The following STXBP5L variants were observed in gnomAD, a reference collection of about 807,000 sequenced individuals.
The protein encoded by STXBP5L is syntaxin binding protein 5L.
A neutral mutation model predicts 144.5 loss-of-function variants in STXBP5L; 65 were observed. That is an observed-to-expected ratio of 0.45 (90% CI 0.37 to 0.55). The LOEUF is 0.55. Among genes scored for constraint, STXBP5L ranks in the 20% least tolerant of loss-of-function variants. The pLI is 0.00. For missense variants in STXBP5L, 1,298 were observed against 1,405.5 expected (o/e 0.92, Z 1.22); for synonymous variants, 505 against 469.6 (o/e 1.08, Z -0.97).
At chr3:121,282,287 T>C in intron 19 of STXBP5L, 1 of 1,612,172 alleles carries the variant, frequency 6.2e-7, no homozygotes, top group Non-Finnish European at 8.5e-7. Context: ...ATGCGTGGCC[T>C]GTCTAACTTT....
chr3:121,064,918 A>T (rs2041470899), intron 5 of STXBP5L, among the ~76,000 whole-genome samples: 1 of 152,140 alleles, frequency 6.6e-6, no homozygotes, highest in African/African-American at 2.4e-5. Flanking sequence ...CTAGAAGTTC[A>T]TAGTGTCCAT....
chr3:121,293,629 G>A (rs1469774141), intron 19 of STXBP5L, among the ~76,000 whole-genome samples: 4 of 152,196 alleles, frequency 2.6e-5, no homozygotes, highest in African/African-American at 9.7e-5. Flanking sequence ...GGAGGCCAAG[G>A]TGGGTGGATC....
chr3:120,910,233 C>A lies in STXBP5L; in HGVS notation c.189+466C>A, dbSNP rs375205716. Among the ~76,000 whole-genome samples, 9 of 152,160 alleles carry A rather than the reference C, an allele frequency of 5.9e-5. No individual in the cohort carries two copies. The South Asian group carries it at 8.3e-4, about 14-fold the overall frequency. On this transcript the variant is annotated intron_variant, in intron 2 of 26. Coordinates refer to ENST00000471454, the MANE Select transcript of STXBP5L (RefSeq NM_001308330.2). The stretch of plus-strand genomic sequence containing the variant: ...TGCTTTAAAATTCCGAATAAAAACA[C>A]CTTCACATTCTTAAACTCTTCATAA...
chr3:121,083,941 A>G (rs187589603), intron 5 of STXBP5L, among the ~76,000 whole-genome samples: 3 of 152,124 alleles, frequency 2.0e-5, no homozygotes, highest in African/African-American at 7.2e-5. Context: ...TCATTGTTTC[A>G]TTCCTGATGT....
Position 121,051,960 on chromosome 3 carries a change from G to A in STXBP5L, c.470+6425G>A, listed in dbSNP as rs541363451. ...AGAGAATATTACAAACACCTCTATG[G>A]AAATAAACTAGAAAATCTAGAAGAA... On this transcript the variant is annotated intron_variant, in intron 5 of 26. Coordinates refer to ENST00000471454, the MANE Select transcript of STXBP5L (RefSeq NM_001308330.2). 2.6e-5 allele frequency among the ~76,000 whole-genome samples: 4 copies of A among 152,092 alleles called. No homozygotes were observed. In the South Asian group the frequency reaches 8.3e-4, roughly 32 times the overall value.
intron 10 of STXBP5L, among the ~76,000 whole-genome samples, chr3:121,215,600 G>T (rs1227110588): frequency 6.6e-6 from 1 of 152,090 alleles, no homozygotes; most frequent in Admixed American, 6.6e-5. Flanking sequence ...TCCCTTTGTA[G>T]GTAACCCGAC....
chr3:121,393,541 C>T (rs974894314), intron 22 of STXBP5L, among the ~76,000 whole-genome samples: 1 of 152,128 alleles, frequency 6.6e-6, no homozygotes, highest in Non-Finnish European at 1.5e-5. Flanking sequence ...GCTAGGTTTC[C>T]TTCTAGCATT....
intron 5 of STXBP5L, among the ~76,000 whole-genome samples, chr3:121,064,681 T>A (rs2041456681): frequency 6.6e-6 from 1 of 152,222 alleles, no homozygotes; most frequent in African/African-American, 2.4e-5. Flanking sequence ...GATTTTTTTG[T>A]AGAGATGTTC....
chr3:120,990,659 C>G (rs1333156924), intron 3 of STXBP5L, among the ~76,000 whole-genome samples: 2 of 151,986 alleles, frequency 1.3e-5, no homozygotes, highest in African/African-American at 4.8e-5. Flanking sequence ...AGAACAGAGC[C>G]CTCAGAAATA....
chr3:121,338,271 G>C (rs1443814310), intron 20 of STXBP5L, among the ~76,000 whole-genome samples: 2 of 151,888 alleles, frequency 1.3e-5, no homozygotes, highest in Non-Finnish European at 2.9e-5. Flanking sequence ...ACAAAAAGTT[G>C]GTTCTTTGAA....
chr3:120,921,515 T>G (rs2107585382), intron 2 of STXBP5L, among the ~76,000 whole-genome samples: 1 of 152,048 alleles, frequency 6.6e-6, no homozygotes, highest in East Asian at 1.9e-4. Context: ...TTTCGTTGTG[T>G]GTACTTTTGA....
At chr3:120,936,703 G>A (rs6810114) in intron 2 of STXBP5L, among the ~76,000 whole-genome samples, 19,825 of 151,730 alleles carry the variant, frequency 0.13, 1,617 homozygotes, top group Non-Finnish European at 0.19. Context: ...TCCACCTCCC[G>A]GGTTTATGCC....
chr3:121,057,961 T>G (rs1304538517), intron 5 of STXBP5L, among the ~76,000 whole-genome samples: 1 of 151,098 alleles, frequency 6.6e-6, no homozygotes, highest in Non-Finnish European at 1.5e-5. Flanking sequence ...TTTATGTTTT[T>G]TGTTGTTGTT....
chr3:121,217,742 G>C (rs1277996754), intron 10 of STXBP5L, among the ~76,000 whole-genome samples: 1 of 151,850 alleles, frequency 6.6e-6, no homozygotes. Context: ...TTATCTACTA[G>C]TATCCAATCT....
At chr3:121,291,076 AG>A (rs2051422181) in intron 19 of STXBP5L, among the ~76,000 whole-genome samples, 1 of 152,194 alleles carries the variant, frequency 6.6e-6, no homozygotes, top group Non-Finnish European at 1.5e-5. Context: ...AAATAAATAA[AG>A]GGCATATGAA....
chr3:121,214,613 T>A (rs1405775543), intron 10 of STXBP5L, among the ~76,000 whole-genome samples: 1 of 152,190 alleles, frequency 6.6e-6, no homozygotes, highest in Non-Finnish European at 1.5e-5. Flanking sequence ...TGGGGAATGT[T>A]TTACTTCCAA....
chr3:121,418,934 A>G (rs1341039244), intron 26 of STXBP5L, 122 bp from the exon 27 acceptor site: 1 of 1,009,752 alleles, frequency 9.9e-7, no homozygotes, highest in Non-Finnish European at 1.4e-6. Context: ...AAAATAAAAG[A>G]AGCCACTCAG....
chr3:121,329,119 A>G (rs1249251506), intron 20 of STXBP5L, among the ~76,000 whole-genome samples: 4 of 152,112 alleles, frequency 2.6e-5, no homozygotes, highest in African/African-American at 9.7e-5. Context: ...AACTAAGAAC[A>G]ATATGGCTTC....
chr3:120,974,408 A>ATT (rs1255835540), intron 3 of STXBP5L, among the ~76,000 whole-genome samples: 9 of 150,252 alleles, frequency 6.0e-5, no homozygotes, highest in African/African-American at 2.0e-4. Context: ...TTTCTTGTAA[A>ATT]TTTGTTTGAG....
Sources: allele counts gnomAD v4.1 joint callset (sites outside exome capture counted in the v4.1 genomes callset), GRCh38; gene constraint gnomAD v4.1.1; transcripts MANE v1.5; gene names NCBI Gene and HGNC (gene_info 2026-07-23, HGNC 2026-07-21).